HEMK2: variants seen among roughly 807,000 people sequenced by gnomAD.
HEMK2 encodes methyltransferase HEMK2.
At chr21:28,827,032 G>A in the HEMK2 span, among the ~76,000 whole-genome samples, 6 of 152,200 alleles carry the variant, frequency 3.9e-5, no homozygotes, top group African/African-American at 1.2e-4. Flanking sequence ...CAGATAACCT[G>A]GGAGAAAATG....
At chr21:28,580,498 T>C in the HEMK2 span, among the ~76,000 whole-genome samples, 1 of 150,948 alleles carries the variant, frequency 6.6e-6, no homozygotes, top group Non-Finnish European at 1.5e-5. Flanking sequence ...CCCTGGCTTC[T>C]GGTGCACCAT....
the HEMK2 span, among the ~76,000 whole-genome samples, chr21:28,760,013 C>A: frequency 2.6e-4 from 38 of 147,788 alleles, no homozygotes; most frequent in Non-Finnish European, 4.9e-4. Context: ...GACTGAATTG[C>A]CATCACTTGT....
chr21:28,694,955 G>A, the HEMK2 span, among the ~76,000 whole-genome samples: 5 of 149,760 alleles, frequency 3.3e-5, no homozygotes, highest in Admixed American at 1.3e-4. Context: ...CCGAGATGGG[G>A]TCACTGCACT....
the HEMK2 span, among the ~76,000 whole-genome samples, chr21:28,679,970 C>G: frequency 6.6e-6 from 1 of 152,006 alleles, no homozygotes; most frequent in Non-Finnish European, 1.5e-5. Flanking sequence ...AATTGACACC[C>G]TAACATCACA....
At chr21:28,726,864 C>T in the HEMK2 span, among the ~76,000 whole-genome samples, 1 of 104,302 alleles carries the variant, frequency 9.6e-6, no homozygotes, top group East Asian at 3.4e-4. Context: ...GAGTAGGACC[C>T]TATCTAAAAA....
the HEMK2 span, among the ~76,000 whole-genome samples, chr21:28,716,124 C>CT: frequency 9.7e-6 from 1 of 102,744 alleles, no homozygotes; most frequent in African/African-American, 5.8e-5. Context: ...GCTATTTGGA[C>CT]TCTTTTTTGG....
At chr21:28,610,645 C>A in the HEMK2 span, among the ~76,000 whole-genome samples, 2 of 152,082 alleles carry the variant, frequency 1.3e-5, no homozygotes, top group African/African-American at 4.8e-5. Context: ...AAAGTGTCAT[C>A]AAGAGACTCA....
At chr21:28,622,524 C>A in the HEMK2 span, among the ~76,000 whole-genome samples, 3 of 152,240 alleles carry the variant, frequency 2.0e-5, no homozygotes, top group South Asian at 4.1e-4. Flanking sequence ...ATAGCCAAGA[C>A]AATCCTAAGC....
At chr21:28,762,076 A>G in the HEMK2 span, among the ~76,000 whole-genome samples, 1 of 152,144 alleles carries the variant, frequency 6.6e-6, no homozygotes, top group African/African-American at 2.4e-5. Flanking sequence ...GTAAATCTGA[A>G]TATCTTAGCT....
the HEMK2 span, among the ~76,000 whole-genome samples, chr21:28,765,427 C>T: frequency 6.6e-6 from 1 of 152,080 alleles, no homozygotes; most frequent in Admixed American, 6.6e-5. Context: ...TTGTTTTAAG[C>T]TACTAAGTGT....
At chr21:28,778,278 T>C in the HEMK2 span, among the ~76,000 whole-genome samples, 1 of 152,226 alleles carries the variant, frequency 6.6e-6, no homozygotes, top group African/African-American at 2.4e-5. Context: ...TCATCCAAGT[T>C]GTCGAATGTA....
At chr21:28,867,617 T>C in the HEMK2 span, among the ~76,000 whole-genome samples, 16 of 152,338 alleles carry the variant, frequency 1.1e-4, no homozygotes, top group Admixed American at 3.9e-4. Flanking sequence ...TTATTACTCA[T>C]AGTATTCATA....
At chr21:28,831,670 A>C in the HEMK2 span, among the ~76,000 whole-genome samples, 1 of 56,582 alleles carries the variant, frequency 1.8e-5, no homozygotes, top group East Asian at 5.3e-4. Context: ...AAAGAAAGAA[A>C]GAAAGAAAGA....
the HEMK2 span, among the ~76,000 whole-genome samples, chr21:28,589,102 TA>T: frequency 2.0e-5 from 3 of 152,040 alleles, no homozygotes; most frequent in Admixed American, 6.6e-5. Flanking sequence ...TGTAAACTTA[TA>T]AAAAAGGCAA....
At chr21:28,786,036 A>G in the HEMK2 span, among the ~76,000 whole-genome samples, 1 of 152,218 alleles carries the variant, frequency 6.6e-6, no homozygotes, top group Non-Finnish European at 1.5e-5. Context: ...CTAGACAACA[A>G]ATTCATTATG....
the HEMK2 span, among the ~76,000 whole-genome samples, chr21:28,788,349 A>G: frequency 6.6e-6 from 1 of 151,938 alleles, no homozygotes; most frequent in Non-Finnish European, 1.5e-5. Flanking sequence ...GCAGTCATAA[A>G]TAGAAATGAA....
chr21:28,828,489 G>A, the HEMK2 span, among the ~76,000 whole-genome samples: 1 of 152,190 alleles, frequency 6.6e-6, no homozygotes, highest in Non-Finnish European at 1.5e-5. Context: ...ACTCATAATA[G>A]TGGCACCAGT....
the HEMK2 span, among the ~76,000 whole-genome samples, chr21:28,833,008 C>T: frequency 6.6e-6 from 1 of 152,164 alleles, no homozygotes; most frequent in Non-Finnish European, 1.5e-5. Flanking sequence ...AGTAGGTCGG[C>T]ATTTTTTATT....
At chr21:28,693,287 G>A in the HEMK2 span, among the ~76,000 whole-genome samples, 1 of 152,136 alleles carries the variant, frequency 6.6e-6, no homozygotes, top group East Asian at 1.9e-4. Context: ...TCTTTACAAA[G>A]AAGGTGGCAT....
Sources: allele counts gnomAD v4.1 joint callset (sites outside exome capture counted in the v4.1 genomes callset), GRCh38; gene constraint gnomAD v4.1.1; transcripts MANE v1.5; gene names NCBI Gene and HGNC (gene_info 2026-07-23, HGNC 2026-07-21).